Variants in PARP2 observed in about 807,000 individuals in gnomAD.
PARP2 encodes poly [ADP-ribose] polymerase 2.
In PARP2, 57 loss-of-function variants were observed where a neutral mutation model predicts 77.8. That is an observed-to-expected ratio of 0.73 (90% confidence interval 0.59 to 0.91). The LOEUF (loss-of-function observed/expected upper bound fraction) is 0.91, where lower values mean the gene tolerates loss of function less well. PARP2 is among the 40% of genes least tolerant of loss of function. PARP2 has a pLI of 0.00. For missense variants in PARP2, 651 were observed against 689.0 expected (o/e 0.94, Z 0.62); for synonymous variants, 226 against 242.6 (o/e 0.93, Z 0.64).
At chr14:20,355,653 C>T in intron 9 of PARP2, 99 bp from the exon 10 acceptor site, 2 of 828,122 alleles carry the variant, frequency 2.4e-6, no homozygotes, top group South Asian at 1.6e-5. Context: ...TTTCTCATAC[C>T]TGTTTTCTAA....
At chr14:20,357,314 T>A in intron 14 of PARP2, 82 bp from the exon 15 acceptor site, 1 of 1,495,826 alleles carries the variant, frequency 6.7e-7, no homozygotes, top group Non-Finnish European at 9.1e-7. Context: ...GGGAAAAAAG[T>A]ACTGATGGGA....
chr14:20,354,701 AG>A, intron 8 of PARP2, 107 bp from the exon 9 acceptor site: 1 of 1,134,210 alleles, frequency 8.8e-7, no homozygotes, highest in Non-Finnish European at 1.3e-6. Flanking sequence ...TCTTAAAAAC[AG>A]GAAAAAAAAA....
chr14:20,344,109 T>A (rs187872863), intron 1 of PARP2: 89 of 189,798 alleles, frequency 4.7e-4, no homozygotes, highest in Admixed American at 1.5e-3. Context: ...ATGTGTATAA[T>A]GTTCTTAAAT....
chr14:20,350,503 GT>G, intron 4 of PARP2, 22 bp from the exon 5 acceptor site: 5 of 1,334,746 alleles, frequency 3.7e-6, no homozygotes, highest in Non-Finnish European at 5.3e-6. Context: ...CCTTTTTTTT[GT>G]TTTTGTTTTC....
intron 6 of PARP2, among the ~76,000 whole-genome samples, chr14:20,351,643 C>T (rs1391852460): frequency 6.6e-6 from 1 of 152,212 alleles, no homozygotes; most frequent in Non-Finnish European, 1.5e-5. Context: ...TCACTAAAAA[C>T]AGAAGAATCT....
At chr14:20,353,232 T>C (rs1428707961) in intron 7 of PARP2, among the ~76,000 whole-genome samples, 3 of 151,754 alleles carry the variant, frequency 2.0e-5, no homozygotes, top group African/African-American at 7.3e-5. Context: ...TTATTGTTTT[T>C]TTCGTTTTTT....
intron 5 of PARP2, 152 bp from the exon 6 acceptor site, chr14:20,350,895 A>G: frequency 4.7e-6 from 3 of 641,448 alleles, no homozygotes; most frequent in Non-Finnish European, 5.5e-6. Context: ...GCAGTTAGCA[A>G]GTAACTTGTA....
Position 20,345,059 on chromosome 14 carries a change from T to C in PARP2, c.174T>C (p.Asn58=), listed in dbSNP as rs776710514. The part of the protein sequence containing the change: ...KKMPVAGGKA[N]KDRTEDKQDE... The stretch of plus-strand genomic sequence containing the variant: ...TGCCTGTGGCTGGAGGAAAAGCTAA[T>C]AAGGACAGGACAGAAGACAAGCAAG... Residue 58 remains asparagine (N), a synonymous_variant, in exon 2 of 16, where the codon AAT becomes AAC. Transcript: ENST00000429687. 3.1e-6 allele frequency: 5 copies of C among 1,613,898 alleles called. No homozygotes were observed. The Admixed American group carries it at 5.0e-5, about 16-fold the overall frequency.
At chr14:20,346,554 G>A (rs1292329756) in intron 3 of PARP2, 4 of 221,368 alleles carry the variant, frequency 1.8e-5, no homozygotes, top group African/African-American at 4.5e-5. Flanking sequence ...AGCTGGTCTC[G>A]AATGCCTGAC....
At position 20,357,424 on chromosome 14, in the gene PARP2, T is replaced by C. The variant is rs1414615715; in HGVS notation, c.1457T>C (p.Leu486Pro). ...EVALGQCNEL[L>P]EANPKAEGLL... The stretch of plus-strand genomic sequence containing the variant: ...GCTCTAGGTCAGTGTAATGAACTAC[T>C]AGAGGCCAATCCTAAGGCCGAAGGA... The change falls in exon 15 of 16, where the codon CTA (leucine) becomes CCA (proline). Residue 486 changes from leucine to proline, a missense_variant. Leu to Pro is a moderately conservative substitution (Grantham distance 98). Transcript: ENST00000429687. The C allele has an allele frequency of 1.2e-6, 2 of 1,612,984 alleles. No individual in the cohort carries two copies. The highest frequency in any genetic ancestry group is 1.3e-5 in the African/African-American group (1 of 74,844).
In PARP2 at chr14:20,355,757, G is replaced by A. The variant is rs369495700; in HGVS notation, c.908G>A (p.Arg303His). The A allele has an allele frequency of 1.7e-4, 279 of 1,612,680 alleles. 1 individual carries two copies. The highest frequency in any genetic ancestry group is 3.4e-4 in the South Asian group (31 of 91,048). The stretch of plus-strand genomic sequence containing the variant: ...GGTTATATCTCTGTTCTTAGACTCC[G>A]TACTCCTCCACTAATCCGGACACAG... ...YTRIPHDFGL[R>H]TPPLIRTQKE... is the part of the protein sequence containing the mutation. The change falls in exon 10 of 16, where the codon CGT becomes CAT. Residue 303 changes from arginine (R) to histidine (H), a missense_variant. Physicochemically the swap from Arg to His is conservative, Grantham distance 29. Coordinates refer to ENST00000429687, the MANE Select transcript of PARP2 (RefSeq NM_001042618.2).
chr14:20,350,647 T>G, intron 5 of PARP2, 25 bp downstream of exon 5: 1 of 1,449,522 alleles, frequency 6.9e-7, no homozygotes, highest in Non-Finnish European at 9.7e-7. Context: ...TGAGATTTTA[T>G]GAGTTGGCAT....
intron 4 of PARP2, among the ~76,000 whole-genome samples, chr14:20,349,678 AAAG>A (rs747369068): frequency 3.9e-5 from 6 of 152,208 alleles, no homozygotes; most frequent in Non-Finnish European, 7.3e-5. Context: ...TGTCTCAAAA[AAAG>A]AAAATATCTT....
At chr14:20,356,240 C>T (rs1884144333) in intron 11 of PARP2, 67 bp from the exon 12 acceptor site, 1 of 1,567,946 alleles carries the variant, frequency 6.4e-7, no homozygotes, top group Non-Finnish European at 8.7e-7. Context: ...TCAGAATCCC[C>T]AAATTCTTCA....
At chr14:20,352,565 T>TC (rs1883998745) in intron 7 of PARP2, 1 of 351,870 alleles carries the variant, frequency 2.8e-6, no homozygotes, top group African/African-American at 2.2e-5. Context: ...TTTCTTTTTT[T>TC]TTTGTAAAGA....
intron 13 of PARP2, 80 bp from the exon 14 acceptor site, chr14:20,356,971 A>G: frequency 1.1e-6 from 1 of 913,802 alleles, no homozygotes; most frequent in Non-Finnish European, 1.8e-6. Context: ...AGGGAATGGA[A>G]AAACAGGGTC....
intron 7 of PARP2, among the ~76,000 whole-genome samples, chr14:20,353,305 G>A (rs965600023): frequency 2.4e-4 from 36 of 151,354 alleles, no homozygotes; most frequent in Admixed American, 7.9e-4. Context: ...GCAGTGGCGC[G>A]ATCTCGGCTC....
Position 20,345,509 on chromosome 14 carries a change from G to A in PARP2, c.273+45G>A, listed in dbSNP as rs374885404. 9.1e-6 allele frequency: 13 copies of A among 1,435,078 alleles called. No individual in the cohort carries two copies. In the South Asian group the frequency reaches 1.0e-4, roughly 11 times the overall value. The allele number at this position is 1,435,078 out of a possible 1,614,324, so 88.9% of individuals were successfully genotyped here. A position where few individuals can be genotyped will look rare whatever the true frequency, so the allele number is the denominator to read the frequency against. Reference sequence around the variant, plus strand: ...ATCTTCAGTCCATGGATATCTCAGAGAGCATCCTTTGTTATAAGGACTCCT... The same window carrying A: ...ATCTTCAGTCCATGGATATCTCAGAAAGCATCCTTTGTTATAAGGACTCCT... On this transcript the variant is annotated intron_variant, in intron 3 of 15. Coordinates refer to ENST00000429687, the MANE Select transcript of PARP2 (RefSeq NM_001042618.2).
In PARP2 at chr14:20,354,951, A is replaced by C. The variant is rs1314658028; in HGVS notation, c.902+4A>C. Reference sequence around the variant, plus strand: ...CCAGGATTCCGCATGACTTTGGGTAAGGCCTGTGCTGTTACTTCACTTTGT... The same window carrying C: ...CCAGGATTCCGCATGACTTTGGGTACGGCCTGTGCTGTTACTTCACTTTGT... On this transcript the variant is annotated splice_donor_region_variant and intron_variant, in intron 9 of 15. Coordinates refer to ENST00000429687, the MANE Select transcript of PARP2 (RefSeq NM_001042618.2). 1.2e-5 allele frequency: 19 copies of C among 1,610,052 alleles called. No homozygotes were observed. Among genetic ancestry groups the C allele is most frequent in the Non-Finnish European group, 1.5e-5 (18 of 1,178,506 alleles).
Sources: allele counts gnomAD v4.1 joint callset (sites outside exome capture counted in the v4.1 genomes callset), GRCh38; gene constraint gnomAD v4.1.1; transcripts MANE v1.5; gene names NCBI Gene and HGNC (gene_info 2026-07-23, HGNC 2026-07-21).